The following GABRQ variants were observed in gnomAD, a reference collection of about 807,000 sequenced individuals.
The protein encoded by GABRQ is gamma-aminobutyric acid type A receptor subunit theta, also known as gamma-aminobutyric acid receptor subunit theta.
A neutral mutation model predicts 30.5 loss-of-function variants in GABRQ; 19 were observed. The ratio of observed to expected loss-of-function variants is 0.62; its 90% CI spans 0.43 to 0.91. The LOEUF (loss-of-function observed/expected upper bound fraction) is 0.91, where lower values mean the gene tolerates loss of function less well. GABRQ is among the 40% of genes least tolerant of loss of function. The pLI is 0.00. For synonymous variants in GABRQ, 187 were observed against 210.2 expected (o/e 0.89, Z 0.95); for missense variants, 520 against 521.4 (o/e 1.00, Z 0.03).
chrX:152,640,400 G>A lies in GABRQ; in HGVS notation c.172G>A (p.Val58Met). 1 of 1,204,386 alleles carries A rather than the reference G, an allele frequency of 8.3e-7. No individual in the cohort carries two copies. The change falls in exon 2 of 9, where the codon GTG (valine) becomes ATG (methionine). Residue 58 changes from valine (V) to methionine (M), a missense_variant. Val to Met is a conservative substitution (Grantham distance 21, BLOSUM62 1). Transcript: ENST00000598523. ...FNCKNCANEAVVQKILDRVLS... is the reference protein window; with the variant it reads ...FNCKNCANEAMVQKILDRVLS... ...CAGCAAAAATTGTGCAAATGAAGCT[G>A]TGGTTCAAAAGATTTTGGACAGGGT...
intron 1 of GABRQ, among the ~76,000 whole-genome samples, chrX:152,639,382 A>G (rs868929862): frequency 5.4e-5 from 6 of 110,203 alleles, no homozygotes; most frequent in Admixed American, 1.9e-4. Context: ...GCGTGCGCAC[A>G]CACACACACA....
Position 152,642,822 on chromosome X carries a change from C to G in GABRQ, c.238+2356C>G, listed in dbSNP as rs1930790230. ...CTCATCCCCTCCCCACCCCCATTAT[C>G]TGTTTAGGGATATGGGATTCCTCAT... On this transcript the variant is annotated intron_variant, in intron 2 of 8. Coordinates refer to ENST00000598523, the MANE Select transcript of GABRQ (RefSeq NM_018558.4). Among the ~76,000 whole-genome samples the G allele has an allele frequency of 3.6e-5, 4 of 111,805 alleles. No individual in the cohort carries two copies. In the Admixed American group the frequency reaches 3.8e-4, roughly 11 times the overall value.
At chrX:152,644,086 A>G (rs1212548468) in intron 2 of GABRQ, among the ~76,000 whole-genome samples, 5 of 111,429 alleles carry the variant, frequency 4.5e-5, no homozygotes, top group Non-Finnish European at 9.4e-5. Context: ...TATATACGAG[A>G]CCACGCTCAA....
At chrX:152,658,153 G>A (rs1255974634), downstream of GABRQ, among the ~76,000 whole-genome samples, 18 of 111,546 alleles carry the variant, frequency 1.6e-4, no homozygotes, top group Admixed American at 1.1e-3. Context: ...CTCCCCACCC[G>A]CTTCTCTCAG....
chrX:152,641,414 A>T (rs1481863686), intron 2 of GABRQ, among the ~76,000 whole-genome samples: 1 of 113,315 alleles, frequency 8.8e-6, no homozygotes, highest in Non-Finnish European at 1.9e-5. Context: ...ATTTATGCAT[A>T]TGAATAGAGG....
chrX:152,655,079 G>A lies in GABRQ; in HGVS notation c.*1798G>A, dbSNP rs1556821026. ...GTGTACACATGGGTCTATGCTGAGTGCATGTATATAAGGGCATGTCTGCAT... is the reference window on the plus strand; with the variant it reads ...GTGTACACATGGGTCTATGCTGAGTACATGTATATAAGGGCATGTCTGCAT... On this transcript the variant is annotated 3_prime_UTR_variant, in exon 9 of 9. Transcript: ENST00000598523. 8.9e-6 allele frequency: 1 copy of A among 112,499 alleles called. No individual in the cohort carries two copies. The highest frequency in any genetic ancestry group is 2.8e-4 in the East Asian group (1 of 3,571). The allele number at this position is 112,499 out of a possible 1,213,427, so 9.3% of individuals were successfully genotyped here.
intron 4 of GABRQ, among the ~76,000 whole-genome samples, chrX:152,648,421 G>A (rs1930940723): frequency 9.3e-6 from 1 of 107,294 alleles, no homozygotes; most frequent in Non-Finnish European, 1.9e-5. Flanking sequence ...AGTGCAGTAA[G>A]TGGCACAATG....
Position 152,652,900 on chromosome X carries a change from G to A in GABRQ, c.1518G>A (p.Ser506=), listed in dbSNP as rs77165406. 5.5e-5 allele frequency: 66 copies of A among 1,210,558 alleles called. No individual in the cohort carries two copies. In the African/African-American group the frequency reaches 5.6e-4, roughly 10 times the overall value. The change falls in exon 9 of 9, where the codon TCG becomes TCA. Residue 506 remains serine (S), a synonymous_variant. Coordinates refer to ENST00000598523, the MANE Select transcript of GABRQ (RefSeq NM_018558.4). The stretch of plus-strand genomic sequence containing the variant: ...AAGATTCCAATGAGAGCTTGAGCTC[G>A]GATGAGCGCCATGGCCATGGCCCCA... The part of the protein sequence containing the change: ...DHEDSNESLS[S]DERHGHGPSG...
intron 2 of GABRQ, among the ~76,000 whole-genome samples, chrX:152,644,144 T>C (rs1569452898): frequency 3.6e-5 from 4 of 110,857 alleles, no homozygotes; most frequent in Admixed American, 1.9e-4. Flanking sequence ...CTCCCACATC[T>C]ACATACACAT....
chrX:152,649,715 G>A (rs917380122), intron 5 of GABRQ, 27 bp from the exon 6 acceptor site: 1 of 1,152,866 alleles, frequency 8.7e-7, no homozygotes, highest in Non-Finnish European at 1.2e-6. Context: ...AAGAATCTGA[G>A]ACTACCTCTG....
intron 4 of GABRQ, among the ~76,000 whole-genome samples, chrX:152,647,470 C>T (rs1556819401): frequency 1.8e-5 from 2 of 111,838 alleles, no homozygotes; most frequent in Non-Finnish European, 3.8e-5. Context: ...AACTCAAATG[C>T]CCCCTTGGTC....
Position 152,653,124 on chromosome X carries a change from G to A in GABRQ, c.1742G>A (p.Ser581Asn). 8.3e-7 allele frequency: 1 copy of A among 1,211,488 alleles called. No individual in the cohort carries two copies. Among genetic ancestry groups the A allele is most frequent in the Non-Finnish European group, 1.1e-6 (1 of 894,930 alleles). The part of the protein sequence containing the change: ...EKDSSSESED[S>N]CPPSPGCSFT... ...GACAGTAGCTCAGAGTCTGAGGATA[G>A]TTGCCCCCCAAGCCCTGGGTGCTCC... Residue 581 changes from serine (S) to asparagine (N), a missense_variant, in exon 9 of 9, where the codon AGT (serine) becomes AAT (asparagine). Physicochemically the swap from Ser to Asn is conservative, Grantham distance 46 (BLOSUM62 1). Coordinates refer to ENST00000598523, the MANE Select transcript of GABRQ (RefSeq NM_018558.4).
rs1930652910 is a variant in GABRQ, at chrX:152,638,038, C to G, written c.-165C>G. 1 of 455,278 alleles carries G rather than the reference C, an allele frequency of 2.2e-6. No homozygotes were observed. The highest frequency in any genetic ancestry group is 4.3e-5 in the Admixed American group (1 of 23,483). 37.5% of individuals were successfully genotyped at this position (455,278 alleles called of 1,213,427 possible). A position where few individuals can be genotyped will look rare whatever the true frequency, so the allele number is the denominator to read the frequency against. ...GTATCCGGGCCGACCCCCGCACCCC[C>G]TACTTCCCTTGCCCTCGCTGCTCTC... is the stretch of plus-strand genomic sequence containing the variant. On this transcript the variant is annotated 5_prime_UTR_variant, in exon 1 of 9. Transcript: ENST00000598523.
intron 2 of GABRQ, among the ~76,000 whole-genome samples, chrX:152,641,058 A>C (rs1556818345): frequency 8.9e-6 from 1 of 111,840 alleles, no homozygotes; most frequent in African/African-American, 3.3e-5. Flanking sequence ...CTGCCAAATA[A>C]AATCCAAACT....
chrX:152,646,105 C>T lies in GABRQ; in HGVS notation c.306+511C>T, dbSNP rs1023837952. ...TGAATTAATAAGAATATTTTGAAAC[C>T]GATAGAAAAATTATCAGAAAATATG... On this transcript the variant is annotated intron_variant, in intron 3 of 8. Coordinates refer to ENST00000598523, the MANE Select transcript of GABRQ (RefSeq NM_018558.4). 7.1e-5 allele frequency among the ~76,000 whole-genome samples: 8 copies of T among 112,120 alleles called. No homozygotes were observed. In the East Asian group the frequency reaches 8.3e-4, roughly 12 times the overall value.
chrX:152,649,565 T>C (rs1358353891), intron 5 of GABRQ, among the ~76,000 whole-genome samples, 177 bp from the exon 6 acceptor site: 3 of 112,317 alleles, frequency 2.7e-5, no homozygotes, highest in African/African-American at 9.7e-5. Context: ...GATAGATGTA[T>C]AAATACAGCA....
downstream of GABRQ, among the ~76,000 whole-genome samples, chrX:152,658,068 G>A (rs1931182921): frequency 8.9e-6 from 1 of 112,380 alleles, no homozygotes; most frequent in Admixed American, 9.4e-5. Context: ...TCTCCCTCCA[G>A]TATCACTCTG....
At chrX:152,658,547 T>A, downstream of GABRQ, among the ~76,000 whole-genome samples, 1 of 112,175 alleles carries the variant, frequency 8.9e-6, no homozygotes, top group Admixed American at 9.4e-5. Flanking sequence ...TGCAGTTACT[T>A]GTGCTCTCTG....
chrX:152,650,630 A>C (rs1930998214), intron 7 of GABRQ, 50 bp downstream of exon 7: 1 of 1,016,974 alleles, frequency 9.8e-7, no homozygotes, highest in African/African-American at 1.9e-5. Flanking sequence ...TTGGCTCAGA[A>C]AAAAAGTTGA....
Sources: gnomAD v4.1 joint callset for allele counts (sites outside exome capture counted in the v4.1 genomes callset) on GRCh38, gnomAD v4.1.1 for gene constraint, MANE v1.5 for transcripts, NCBI Gene and HGNC (gene_info 2026-07-23, HGNC 2026-07-21) for gene names.